Variants in CELF5 observed in about 807,000 individuals in gnomAD.
The protein encoded by CELF5 is CUGBP Elav-like family member 5.
A neutral mutation model predicts 54.9 loss-of-function variants in CELF5; 6 were observed. The observed-to-expected ratio is 0.11, with a 90% CI of 0.06 to 0.22. The LOEUF is 0.22. Among genes scored for constraint, CELF5 ranks in the 10% least tolerant of loss-of-function variants. The pLI, the probability that CELF5 is intolerant of heterozygous loss-of-function variation, is 1.00. For missense variants in CELF5, 401 were observed against 678.6 expected, an observed-to-expected ratio of 0.59 and a Z score of 4.54; for synonymous variants, 271 against 290.9, an observed-to-expected ratio of 0.93 and a Z score of 0.70.
At position 3,290,391 on chromosome 19, in the gene CELF5, G is replaced by A. The variant is rs370223412; in HGVS notation, c.1330+17G>A. Reference sequence around the variant, plus strand: ...AGTGTTTCGGTGAGTGGCCGCCGACGCCACCCCTCCCCATCCACCTCCCTC... The same window carrying A: ...AGTGTTTCGGTGAGTGGCCGCCGACACCACCCCTCCCCATCCACCTCCCTC... On this transcript the variant is annotated intron_variant, in intron 11 of 12. Transcript: ENST00000292672. The A allele has an allele frequency of 4.0e-5, 64 of 1,611,188 alleles. No homozygotes were observed. The highest frequency in any genetic ancestry group is 3.1e-4 in the South Asian group (28 of 90,960).
At chr19:3,285,886 C>A (rs949617984) in intron 9 of CELF5, 56 bp from the exon 10 acceptor site, 9 of 1,322,982 alleles carry the variant, frequency 6.8e-6, no homozygotes, top group South Asian at 1.6e-5. Flanking sequence ...GCGGCCCAGG[C>A]CGCCCACGTG....
intron 9 of CELF5, among the ~76,000 whole-genome samples, chr19:3,285,692 C>G (rs2080233306): frequency 7.6e-6 from 1 of 130,758 alleles, no homozygotes; most frequent in Admixed American, 7.5e-5. Flanking sequence ...CGCCCCGTCT[C>G]GGTATTGGCC....
intron 10 of CELF5, among the ~76,000 whole-genome samples, chr19:3,289,737 ACAC>A (rs1428303100): frequency 1.3e-5 from 2 of 148,724 alleles, no homozygotes; most frequent in African/African-American, 2.5e-5. Flanking sequence ...TGGTGGCTGA[ACAC>A]CAGAGTTTTA....
Position 3,281,981 on chromosome 19 carries a change from C to T in CELF5, c.751-145C>T. 1.1e-6 allele frequency: 1 copy of T among 873,874 alleles called. No individual in the cohort carries two copies. The highest frequency in any genetic ancestry group is 1.9e-6 in the Non-Finnish European group (1 of 540,156). 54.1% of individuals were successfully genotyped at this position (873,874 alleles called of 1,614,324 possible). A position where few individuals can be genotyped will look rare whatever the true frequency, so the allele number is the denominator to read the frequency against. On this transcript the variant is annotated intron_variant, in intron 6 of 12. Transcript: ENST00000292672. The surrounding 1 kb of genome is among the most constrained non-coding windows in gnomAD (Gnocchi z 6.5). ...CTGCTCCCAGGCTGAGCCTTGATCC[C>T]AGTCTGAGCTCCAATTCTGATCTCA... is the stretch of plus-strand genomic sequence containing the variant.
chr19:3,234,967 T>A (rs1917457243), intron 1 of CELF5, among the ~76,000 whole-genome samples: 1 of 152,080 alleles, frequency 6.6e-6, no homozygotes, highest in Admixed American at 6.6e-5. Context: ...CCGTCCCTCC[T>A]CTGCCTGCAG....
intron 1 of CELF5, among the ~76,000 whole-genome samples, chr19:3,240,527 C>T (rs1044161555): frequency 6.6e-6 from 1 of 151,798 alleles, no homozygotes; most frequent in African/African-American, 2.4e-5. Flanking sequence ...GGGGTTTCAC[C>T]GTGTTGGCCA....
Position 3,275,445 on chromosome 19 carries a change from G to A in CELF5, c.395-411G>A, listed in dbSNP as rs2080031689. 6.6e-6 allele frequency among the ~76,000 whole-genome samples: 1 copy of A among 152,134 alleles called. No homozygotes were observed. Among genetic ancestry groups the A allele is most frequent in the African/African-American group, 2.4e-5 (1 of 41,452 alleles). On this transcript the variant is annotated intron_variant, in intron 3 of 12. Coordinates refer to ENST00000292672, the MANE Select transcript of CELF5 (RefSeq NM_021938.4). The surrounding 1 kb of genome is among the most constrained non-coding windows in gnomAD (Gnocchi z 6.7). Reference sequence around the variant, plus strand: ...GCCTGGCAGGTCCGGGGAGCAGACAGAAAGACAGACAGACAGACAGACAGG... The same window carrying A: ...GCCTGGCAGGTCCGGGGAGCAGACAAAAAGACAGACAGACAGACAGACAGG...
At chr19:3,280,644 A>C (rs973138943) in intron 5 of CELF5, among the ~76,000 whole-genome samples, 33 of 152,072 alleles carry the variant, frequency 2.2e-4, no homozygotes, top group Non-Finnish European at 4.6e-4. Context: ...CAGAGTCAGG[A>C]TCATCTACTT....
chr19:3,251,334 C>T (rs557000283), intron 2 of CELF5, among the ~76,000 whole-genome samples: 2 of 152,244 alleles, frequency 1.3e-5, no homozygotes, highest in Admixed American at 1.3e-4. Context: ...CCCAGTGTGT[C>T]GTTGTCTTTG....
At chr19:3,270,871 C>T (rs966705556) in intron 2 of CELF5, among the ~76,000 whole-genome samples, 2 of 151,736 alleles carry the variant, frequency 1.3e-5, no homozygotes, top group African/African-American at 4.8e-5. Context: ...AGGTCCCAGG[C>T]TCTGTGGCGG....
At chr19:3,277,421 G>C (rs536928179) in intron 4 of CELF5, among the ~76,000 whole-genome samples, 1 of 152,250 alleles carries the variant, frequency 6.6e-6, no homozygotes, top group South Asian at 2.1e-4. Context: ...GCAGTGAGCC[G>C]AGATCACGCC....
intron 12 of CELF5, chr19:3,296,314 GA>G (rs921792714): frequency 7.2e-5 from 1 of 13,830 alleles, no homozygotes; most frequent in African/African-American, 3.0e-4. Flanking sequence ...AAGCTCAAAA[GA>G]AAAAAACATT....
At chr19:3,257,205 G>A (rs901570185) in intron 2 of CELF5, among the ~76,000 whole-genome samples, 3 of 152,208 alleles carry the variant, frequency 2.0e-5, no homozygotes, top group Non-Finnish European at 4.4e-5. Context: ...CAGGAAGGGC[G>A]TTTCTGGCAG....
chr19:3,265,875 C>T (rs12460053), intron 2 of CELF5, among the ~76,000 whole-genome samples: 24,295 of 152,006 alleles, frequency 0.16, 2,368 homozygotes, highest in Admixed American at 0.26. Context: ...GGCGTGATCT[C>T]AGCTCACTGC....
In CELF5 at chr19:3,293,505, C is replaced by T. The variant is rs1415034814; in HGVS notation, c.*40+19C>T. The stretch of plus-strand genomic sequence containing the variant: ...GGCCCAGGTGAGCCGCCAGGCGGCC[C>T]CACCCCCGCCCAAGCCCCCCGTCTT... On this transcript the variant is annotated intron_variant, in intron 12 of 12. Coordinates refer to ENST00000292672, the MANE Select transcript of CELF5 (RefSeq NM_021938.4). 40 of 1,582,142 alleles carry T rather than the reference C, an allele frequency of 2.5e-5. No individual in the cohort carries two copies. The highest frequency in any genetic ancestry group is 3.3e-5 in the Non-Finnish European group (38 of 1,161,164).
At chr19:3,263,772 G>C (rs1167420571) in intron 2 of CELF5, among the ~76,000 whole-genome samples, 1 of 150,930 alleles carries the variant, frequency 6.6e-6, no homozygotes, top group African/African-American at 2.4e-5. Context: ...GGGCGTGGTG[G>C]TGGGCACCTG....
rs2080163384 is a variant in CELF5, at chr19:3,282,173, G to A, written c.798G>A (p.Leu266=). Residue 266 remains leucine (L), a synonymous_variant, in exon 7 of 13, where the codon CTG becomes CTA. Coordinates refer to ENST00000292672, the MANE Select transcript of CELF5 (RefSeq NM_021938.4). The surrounding 1 kb of genome is among the most constrained non-coding windows in gnomAD (Gnocchi z 5.2). ...TCCTGTCCACCTCGGGCAGCTACCT[G>A]AGTCCCGGCGTGGCCTTCTCACCCT... is the stretch of plus-strand genomic sequence containing the variant. ...TTVLSTSGSY[L]SPGVAFSPCH... is the part of the protein sequence containing the mutation. The A allele has an allele frequency of 6.2e-7, 1 of 1,614,090 alleles. No individual in the cohort carries two copies. Among genetic ancestry groups the A allele is most frequent in the Admixed American group, 1.7e-5 (1 of 60,008 alleles).
At chr19:3,295,430 T>C (rs17674370) in intron 12 of CELF5, 17,255 of 152,154 alleles carry the variant, frequency 0.11, 1,054 homozygotes, top group South Asian at 0.17. Context: ...GACCAAACTT[T>C]TCCGACTTCC....
intron 1 of CELF5, 105 bp from the exon 2 acceptor site, chr19:3,250,880 G>A (rs927799532): frequency 6.9e-6 from 5 of 721,250 alleles, no homozygotes; most frequent in Non-Finnish European, 1.2e-5. Context: ...TGCATCTGTG[G>A]ATGGAAGCTT....
Sources: allele counts gnomAD v4.1 joint callset (sites outside exome capture counted in the v4.1 genomes callset), GRCh38; gene constraint gnomAD v4.1.1; non-coding constraint Gnocchi (gnomAD v3.1); transcripts MANE v1.5; gene names NCBI Gene and HGNC (gene_info 2026-07-23, HGNC 2026-07-21).